The following TMEM71 variants were observed in gnomAD, a reference collection of about 807,000 sequenced individuals.
TMEM71 encodes the protein transmembrane protein 71.
Under a neutral mutation model 38.0 loss-of-function variants are expected in TMEM71, and 44 were observed. That is an observed-to-expected ratio of 1.16 (90% CI 0.91 to 1.49). The LOEUF (loss-of-function observed/expected upper bound fraction) is 1.49. TMEM71 is among the 40% of genes most tolerant of loss of function. The pLI is 0.00. For missense variants in TMEM71, 367 were observed against 348.6 expected (o/e 1.05, Z -0.42); for synonymous variants, 133 against 122.5 (o/e 1.09, Z -0.56).
intron 7 of TMEM71, among the ~76,000 whole-genome samples, chr8:132,718,630 T>A (rs1377452585): frequency 6.6e-6 from 1 of 152,078 alleles, no homozygotes; most frequent in Non-Finnish European, 1.5e-5. Flanking sequence ...ATCTCCTGAC[T>A]TCGTGATCCA....
chr8:132,774,492 T>G, the TMEM71 span, among the ~76,000 whole-genome samples: 1 of 152,258 alleles, frequency 6.6e-6, no homozygotes, highest in Non-Finnish European at 1.5e-5. Flanking sequence ...CAAATCTTAC[T>G]ATAACTGAAG....
At chr8:132,762,069 T>C (rs1829306634), upstream of TMEM71, among the ~76,000 whole-genome samples, 1 of 152,210 alleles carries the variant, frequency 6.6e-6, no homozygotes, top group African/African-American at 2.4e-5. Flanking sequence ...CAAATGGTAT[T>C]TCAAGCCACC....
At position 132,757,242 on chromosome 8, in the gene TMEM71, A is replaced by T. The variant is rs147397125; in HGVS notation, c.93T>A (p.Ile31=). 6 of 1,610,304 alleles carry T rather than the reference A, an allele frequency of 3.7e-6. No individual in the cohort carries two copies. Among genetic ancestry groups the T allele is most frequent in the Non-Finnish European group, 5.1e-6 (6 of 1,177,432 alleles). Residue 31 remains isoleucine (I), a synonymous_variant, in exon 3 of 10, where the codon ATT becomes ATA. Coordinates refer to ENST00000677595, the MANE Select transcript of TMEM71 (RefSeq NM_001382403.1). ...EYAGELSPTC[I]FPSFTCDSLD... ...GAAGCCCCATAGTATACCTTGGGAA[A>T]ATGCACGTGGGAGACAGCTCTCCAG...
At position 132,746,864 on chromosome 8, in the gene TMEM71, C is replaced by T. The variant is rs374362993; in HGVS notation, c.487+78G>A. ...AAATGACTGTCATCCCTGGAACTGA[C>T]ATTGGTTGAGGACCACAGGGTTACC... is the stretch of plus-strand genomic sequence containing the variant. On this transcript the variant is annotated intron_variant, in intron 5 of 9. Coordinates refer to ENST00000677595, the MANE Select transcript of TMEM71 (RefSeq NM_001382403.1). 170 of 1,209,032 alleles carry T rather than the reference C, an allele frequency of 1.4e-4. No homozygotes were observed. The African/African-American group carries it at 2.3e-3, about 16-fold the overall frequency. The allele number at this position is 1,209,032 out of a possible 1,614,324, so 74.9% of individuals were successfully genotyped here.
At chr8:132,732,820 G>A (rs967452887) in intron 5 of TMEM71, among the ~76,000 whole-genome samples, 4 of 152,054 alleles carry the variant, frequency 2.6e-5, no homozygotes, top group African/African-American at 4.8e-5. Context: ...GGGGTGTTAC[G>A]GGCATCTACT....
At chr8:132,708,469 A>G (rs1826126762), downstream of TMEM71, among the ~76,000 whole-genome samples, 1 of 152,186 alleles carries the variant, frequency 6.6e-6, no homozygotes, top group Non-Finnish European at 1.5e-5. Context: ...ATCACCATGT[A>G]ATGACATTAG....
intron 7 of TMEM71, among the ~76,000 whole-genome samples, chr8:132,714,575 C>T (rs1435683927): frequency 6.6e-6 from 1 of 152,038 alleles, no homozygotes; most frequent in African/African-American, 2.4e-5. Context: ...GGGTCATAGA[C>T]CAAAAATGTA....
At chr8:132,755,205 C>G (rs1310175988) in intron 3 of TMEM71, among the ~76,000 whole-genome samples, 5 of 152,164 alleles carry the variant, frequency 3.3e-5, no homozygotes, top group Non-Finnish European at 5.9e-5. Flanking sequence ...CCCTAATCCC[C>G]TGGCATCTTT....
intron 2 of TMEM71, 171 bp downstream of exon 2, chr8:132,758,669 G>GA (rs374763918): frequency 1.4e-5 from 8 of 574,554 alleles, no homozygotes; most frequent in African/African-American, 9.7e-5. Flanking sequence ...TTCTTTCAAG[G>GA]AAAAAAATGA....
In TMEM71 at chr8:132,751,901, T is replaced by A; in HGVS notation, c.198A>T (p.Arg66Ser). The change falls in exon 4 of 10, where the codon AGA (arginine) becomes AGT (serine). Residue 66 changes from arginine (R) to serine (S), a missense_variant. By Grantham distance (110) the Arg-to-Ser change is moderately radical (BLOSUM62 -1). Coordinates refer to ENST00000677595, the MANE Select transcript of TMEM71 (RefSeq NM_001382403.1). Reference sequence around the variant, plus strand: ...AAATATAGTAGCCATTGGTGAGGAGTCTGGGACTTCGGCGACAGGTATAGT... The same window carrying A: ...AAATATAGTAGCCATTGGTGAGGAGACTGGGACTTCGGCGACAGGTATAGT... ...GSHYTCRRSP[R>S]LLTNGYYIWT... 1.2e-6 allele frequency: 2 copies of A among 1,613,804 alleles called. No homozygotes were observed. Among genetic ancestry groups the A allele is most frequent in the Non-Finnish European group, 1.7e-6 (2 of 1,179,978 alleles).
chr8:132,712,728 C>T (rs1010083369), intron 9 of TMEM71, among the ~76,000 whole-genome samples: 20 of 152,202 alleles, frequency 1.3e-4, no homozygotes, highest in Middle Eastern at 3.4e-3. Context: ...TACCCCATAC[C>T]GTATAGAACA....
chr8:132,732,349 G>A (rs372538554), intron 5 of TMEM71, among the ~76,000 whole-genome samples: 2 of 152,138 alleles, frequency 1.3e-5, no homozygotes, highest in African/African-American at 4.8e-5. Flanking sequence ...AGGCAGAGAG[G>A]AAGAGAGTAA....
chr8:132,727,488 C>T (rs1827210863), intron 6 of TMEM71, among the ~76,000 whole-genome samples: 1 of 152,024 alleles, frequency 6.6e-6, no homozygotes, highest in Admixed American at 6.6e-5. Context: ...GATCTCCTGA[C>T]CTTGTGATCC....
chr8:132,744,619 A>G (rs1828231196), intron 5 of TMEM71, among the ~76,000 whole-genome samples: 1 of 152,230 alleles, frequency 6.6e-6, no homozygotes, highest in African/African-American at 2.4e-5. Flanking sequence ...AAAGCAATCT[A>G]CAAATTCAAA....
chr8:132,732,903 C>T (rs1335766626), intron 5 of TMEM71, among the ~76,000 whole-genome samples: 5 of 152,106 alleles, frequency 3.3e-5, no homozygotes, highest in Non-Finnish European at 5.9e-5. Context: ...CATTACCTGC[C>T]CACGATACTG....
At chr8:132,759,027 CAG>C (rs1179425332) in intron 1 of TMEM71, 112 bp from the exon 2 acceptor site, 2 of 659,980 alleles carry the variant, frequency 3.0e-6, no homozygotes, top group Non-Finnish European at 5.3e-6. Context: ...TGAAATAATA[CAG>C]AGATACAGAA....
chr8:132,709,510 T>C (rs1826143125), downstream of TMEM71, among the ~76,000 whole-genome samples: 1 of 152,188 alleles, frequency 6.6e-6, no homozygotes, highest in Admixed American at 6.5e-5. Flanking sequence ...AAAGATTTTA[T>C]CTTGGATTAT....
At chr8:132,754,534 A>T (rs2131193678) in intron 3 of TMEM71, among the ~76,000 whole-genome samples, 1 of 152,328 alleles carries the variant, frequency 6.6e-6, no homozygotes, top group African/African-American at 2.4e-5. Flanking sequence ...TTTTTAACAA[A>T]TGTGAATCTG....
At chr8:132,751,494 C>T (rs973352277) in intron 4 of TMEM71, among the ~76,000 whole-genome samples, 2 of 152,226 alleles carry the variant, frequency 1.3e-5, no homozygotes, top group Non-Finnish European at 2.9e-5. Context: ...TATTTCATTG[C>T]TTTCATTTGT....
Sources: allele counts gnomAD v4.1 joint callset (sites outside exome capture counted in the v4.1 genomes callset), GRCh38; gene constraint gnomAD v4.1.1; transcripts MANE v1.5; gene names NCBI Gene and HGNC (gene_info 2026-07-23, HGNC 2026-07-21).